BUB1B: variants seen among roughly 807,000 people sequenced by gnomAD.
BUB1B encodes mitotic checkpoint serine/threonine-protein kinase BUB1 beta.
BUB1B carries 86 observed loss-of-function variants against 137.7 expected under a neutral mutation model. That is an observed-to-expected ratio of 0.62 (90% CI 0.52 to 0.75). BUB1B has a LOEUF of 0.75. Ranked by LOEUF, BUB1B falls within the 30% of genes least tolerant of loss-of-function variation. The pLI, the probability that BUB1B is intolerant of heterozygous loss-of-function variation, is 0.00. For synonymous variants in BUB1B, 420 were observed against 417.9 expected (o/e 1.00, Z -0.06); for missense variants, 1,130 against 1,236.9 (o/e 0.91, Z 1.30).
At chr15:40,191,482 A>G (rs2037437356) in intron 8 of BUB1B, among the ~76,000 whole-genome samples, 1 of 152,198 alleles carries the variant, frequency 6.6e-6, no homozygotes. Flanking sequence ...ATGAAATGCA[A>G]TTTATCTGTT....
chr15:40,172,315 A>T (rs968011492), intron 4 of BUB1B, among the ~76,000 whole-genome samples: 5 of 152,196 alleles, frequency 3.3e-5, no homozygotes, highest in Admixed American at 2.0e-4. Context: ...CTTGAACAAC[A>T]CAGGGCTTAG....
At chr15:40,216,571 A>ATATTTTT (rs1457484634) in intron 20 of BUB1B, among the ~76,000 whole-genome samples, 1 of 83,038 alleles carries the variant, frequency 1.2e-5, no homozygotes, top group South Asian at 4.1e-4. Context: ...ATATATATAT[A>ATATTTTT]TTTTTTTTTT....
rs1015397777 is a variant in BUB1B at position 40,200,274 on chromosome 15, A to C, written c.1432A>C (p.Thr478Pro). The change falls in exon 11 of 23, where the codon ACT (threonine) becomes CCT (proline). Residue 478 changes from threonine (T) to proline (P), a missense_variant. Transcript: ENST00000287598. The stretch of plus-strand genomic sequence containing the variant: ...AGAGACGATGCCTACAAAGGAGACA[A>C]CTAAACTGCAAATTGCTTCCGAGTC... Reference protein sequence around the residue: ...QEETMPTKETTKLQIASESQK... With the variant: ...QEETMPTKETPKLQIASESQK... 9 of 1,613,870 alleles carry C rather than the reference A, an allele frequency of 5.6e-6. No individual in the cohort carries two copies. Among genetic ancestry groups the C allele is most frequent in the Non-Finnish European group, 7.6e-6 (9 of 1,179,806 alleles).
chr15:40,208,837 A>G, intron 16 of BUB1B, 67 bp downstream of exon 16: 1 of 1,526,148 alleles, frequency 6.6e-7, no homozygotes, highest in Non-Finnish European at 9.0e-7. Flanking sequence ...ACTGAGCTGT[A>G]TGTTTTTCTT....
intron 5 of BUB1B, among the ~76,000 whole-genome samples, chr15:40,179,310 A>T (rs992285734): frequency 1.3e-5 from 2 of 152,124 alleles, no homozygotes; most frequent in East Asian, 3.8e-4. Flanking sequence ...TTATCCATTC[A>T]TCAGTTAGTG....
chr15:40,206,596 G>T (rs2037640556), intron 15 of BUB1B, 138 bp downstream of exon 15: 1 of 1,059,586 alleles, frequency 9.4e-7, no homozygotes, highest in Non-Finnish European at 1.4e-6. Context: ...TGAGAGTAGG[G>T]CTGCCCCAGA....
At chr15:40,178,758 C>G (rs2037249993) in intron 5 of BUB1B, among the ~76,000 whole-genome samples, 1 of 152,026 alleles carries the variant, frequency 6.6e-6, no homozygotes, top group South Asian at 2.1e-4. Flanking sequence ...AGAATTGACC[C>G]CTGTATCATT....
chr15:40,196,831 T>C lies in BUB1B; in HGVS notation c.1288+57T>C, dbSNP rs544566867. ...TAACTTAGTTGTGTGAAGGTTGAGC[T>C]GACCTATTAAGTCTGAAGAAAACTA... On this transcript the variant is annotated intron_variant, in intron 9 of 22. Coordinates refer to ENST00000287598, the MANE Select transcript of BUB1B (RefSeq NM_001211.6). 10 of 1,502,918 alleles carry C rather than the reference T, an allele frequency of 6.7e-6. No individual in the cohort carries two copies. The African/African-American group carries it at 1.2e-4, about 19-fold the overall frequency. 93.1% of individuals were successfully genotyped at this position (1,502,918 alleles called of 1,614,324 possible).
At position 40,185,653 on chromosome 15, in the gene BUB1B, T is replaced by G. The variant is rs369003469; in HGVS notation, c.1058+11T>G. 140 of 1,605,794 alleles carry G rather than the reference T, an allele frequency of 8.7e-5. No individual in the cohort carries two copies. The African/African-American group carries it at 1.8e-3, about 20-fold the overall frequency. The stretch of plus-strand genomic sequence containing the variant: ...ACGACAGCCAGTTATGTGAGTGTGG[T>G]TTTTGGATATTTTGAAGTGGGAATT... On this transcript the variant is annotated intron_variant, in intron 8 of 22. Transcript: ENST00000287598.
rs138185845 is a variant in BUB1B, at chr15:40,204,635, A to T, written c.1735-1549A>T. ...TAAATACATATATATGTATATATAT[A>T]TTTTTTTCTTTTTCTTTTTTAGACA... On this transcript the variant is annotated intron_variant, in intron 14 of 22. Coordinates refer to ENST00000287598, the MANE Select transcript of BUB1B (RefSeq NM_001211.6). Among the ~76,000 whole-genome samples, 623 of 151,170 alleles carry T rather than the reference A, an allele frequency of 4.1e-3. 4 individuals carry two copies. The highest frequency in any genetic ancestry group is 0.02 in the East Asian group (104 of 5,160).
chr15:40,199,842 C>T, intron 10 of BUB1B, 115 bp downstream of exon 10: 2 of 848,860 alleles, frequency 2.4e-6, no homozygotes, highest in Non-Finnish European at 3.8e-6. Context: ...CTGGTAGTTT[C>T]TTAGCTGTTA....
intron 15 of BUB1B, 125 bp from the exon 16 acceptor site, chr15:40,208,512 T>G (rs2037665379): frequency 2.1e-6 from 2 of 931,130 alleles, no homozygotes; most frequent in Non-Finnish European, 3.2e-6. Context: ...TGCTCCAGCC[T>G]GGGTGACAAG....
At chr15:40,208,907 C>G in intron 16 of BUB1B, 137 bp downstream of exon 16, 1 of 878,188 alleles carries the variant, frequency 1.1e-6, no homozygotes, top group Non-Finnish European at 1.8e-6. Context: ...CAATCAAACT[C>G]ACTGGGCTCA....
At chr15:40,218,877 C>A (rs2037842708) in intron 22 of BUB1B, among the ~76,000 whole-genome samples, 1 of 152,206 alleles carries the variant, frequency 6.6e-6, no homozygotes, top group African/African-American at 2.4e-5. Flanking sequence ...GAATAATTTT[C>A]TAACTAATTG....
At chr15:40,202,377 A>G (rs11858983) in intron 12 of BUB1B, 28 bp from the exon 13 acceptor site, 4 of 1,555,434 alleles carry the variant, frequency 2.6e-6, no homozygotes, top group African/African-American at 1.4e-5. Context: ...TTACTCCTAG[A>G]GTATGTATCT....
chr15:40,200,458 A>T, intron 11 of BUB1B, 99 bp downstream of exon 11: 1 of 836,880 alleles, frequency 1.2e-6, no homozygotes, highest in Non-Finnish European at 2.0e-6. Context: ...CGTTTACAGT[A>T]TCGAGACATG....
chr15:40,173,587 G>A (rs969113966), intron 4 of BUB1B, among the ~76,000 whole-genome samples: 1 of 152,136 alleles, frequency 6.6e-6, no homozygotes, highest in Admixed American at 6.6e-5. Flanking sequence ...TGATATTGCC[G>A]GGACATCCAA....
intron 5 of BUB1B, among the ~76,000 whole-genome samples, chr15:40,181,356 G>C (rs1358000413): frequency 1.3e-5 from 2 of 152,210 alleles, no homozygotes; most frequent in Non-Finnish European, 2.9e-5. Context: ...CTCCCAAAGT[G>C]CTGGGATTAC....
At chr15:40,206,849 G>A (rs1350216350) in intron 15 of BUB1B, among the ~76,000 whole-genome samples, 3 of 151,960 alleles carry the variant, frequency 2.0e-5, no homozygotes, top group Non-Finnish European at 4.4e-5. Flanking sequence ...TCACTCTGTC[G>A]CCCAGGCTGG....
Sources: gnomAD v4.1 joint callset for allele counts (sites outside exome capture counted in the v4.1 genomes callset) on GRCh38, gnomAD v4.1.1 for gene constraint, MANE v1.5 for transcripts, NCBI Gene and HGNC (gene_info 2026-07-23, HGNC 2026-07-21) for gene names.